BCR: variants seen among roughly 807,000 people sequenced by gnomAD.
BCR encodes the protein breakpoint cluster region protein.
BCR carries 58 observed loss-of-function variants against 138.6 expected under a neutral mutation model. The observed-to-expected ratio is 0.42, with a 90% confidence interval of 0.34 to 0.52. The LOEUF (loss-of-function observed/expected upper bound fraction) is 0.52, where lower values mean the gene tolerates loss of function less well. BCR is among the 20% of genes least tolerant of loss of function. The pLI is 0.06. For synonymous variants in BCR, 786 were observed against 730.1 expected (o/e 1.08, Z -1.23); for missense variants, 1,599 against 1,727.2 (o/e 0.93, Z 1.32).
At chr22:23,184,886 C>T (rs980390653) in intron 1 of BCR, among the ~76,000 whole-genome samples, 2 of 150,974 alleles carry the variant, frequency 1.3e-5, no homozygotes, top group Admixed American at 6.6e-5. Context: ...GCCTGCTGGT[C>T]TGAAAAGGAA....
intron 16 of BCR, among the ~76,000 whole-genome samples, chr22:23,300,089 A>G (rs533899933): frequency 6.6e-6 from 1 of 152,288 alleles, no homozygotes; most frequent in African/African-American, 2.4e-5. Flanking sequence ...GCACATTCAC[A>G]TTGTTGTGCA....
chr22:23,300,710 G>T (rs879331373), intron 16 of BCR, among the ~76,000 whole-genome samples: 10 of 152,182 alleles, frequency 6.6e-5, no homozygotes, highest in Admixed American at 6.6e-4. Flanking sequence ...AGACCTGCTG[G>T]CTTGTACCTG....
intron 1 of BCR, among the ~76,000 whole-genome samples, chr22:23,211,302 A>G (rs12160795): frequency 0.068 from 10,217 of 150,646 alleles, 1,147 homozygotes; most frequent in African/African-American, 0.23. Context: ...GGTTCACACC[A>G]TTCTCCTGCC....
intron 1 of BCR, among the ~76,000 whole-genome samples, chr22:23,198,571 G>C (rs1161140137): frequency 6.6e-6 from 1 of 152,340 alleles, no homozygotes; most frequent in East Asian, 1.9e-4. Context: ...GGGAGTGAAA[G>C]GGTGGCTGTG....
At chr22:23,242,021 A>G (rs142068526) in intron 1 of BCR, among the ~76,000 whole-genome samples, 238 of 152,238 alleles carry the variant, frequency 1.6e-3, no homozygotes, top group African/African-American at 5.6e-3. Context: ...CTTAGCTCTT[A>G]GTGGCCTCTG....
intron 1 of BCR, among the ~76,000 whole-genome samples, chr22:23,216,660 T>A (rs2072756581): frequency 6.6e-6 from 1 of 152,258 alleles, no homozygotes; most frequent in African/African-American, 2.4e-5. Flanking sequence ...GCCATCTGGC[T>A]TGGTATGAGG....
At chr22:23,220,756 TG>T (rs1242827266) in intron 1 of BCR, among the ~76,000 whole-genome samples, 1 of 152,208 alleles carries the variant, frequency 6.6e-6, no homozygotes, top group Non-Finnish European at 1.5e-5. Context: ...ATCTGTAAGA[TG>T]GGGGTAGTAA....
At chr22:23,225,456 G>A (rs1489997603) in intron 1 of BCR, among the ~76,000 whole-genome samples, 1 of 152,174 alleles carries the variant, frequency 6.6e-6, no homozygotes, top group Non-Finnish European at 1.5e-5. Flanking sequence ...ACTGGACTGC[G>A]GGGCCATCCT....
At chr22:23,288,992 A>G (rs5759682) in intron 12 of BCR, among the ~76,000 whole-genome samples, 52,358 of 152,078 alleles carry the variant, frequency 0.34, 10,153 homozygotes, top group African/African-American at 0.52. Context: ...CTGGGGGATC[A>G]AGGATCTCCG....
intron 1 of BCR, among the ~76,000 whole-genome samples, chr22:23,248,893 A>G (rs1053370186): frequency 2.0e-5 from 3 of 152,184 alleles, no homozygotes; most frequent in Non-Finnish European, 4.4e-5. Context: ...TCCACTGGGT[A>G]TTCCTGGTAC....
intron 1 of BCR, among the ~76,000 whole-genome samples, chr22:23,252,221 C>A (rs567345239): frequency 6.6e-6 from 1 of 152,114 alleles, no homozygotes; most frequent in South Asian, 2.1e-4. Context: ...GATGGGGGAA[C>A]CTGTAGCCCC....
chr22:23,221,795 T>C (rs2072827670), intron 1 of BCR, among the ~76,000 whole-genome samples: 1 of 152,164 alleles, frequency 6.6e-6, no homozygotes, highest in South Asian at 2.1e-4. Flanking sequence ...GTCTTTGTTA[T>C]GAGAAGTGAC....
chr22:23,221,198 G>A (rs139412250), intron 1 of BCR, among the ~76,000 whole-genome samples: 5 of 152,288 alleles, frequency 3.3e-5, no homozygotes, highest in African/African-American at 7.2e-5. Context: ...GGAGGATGGC[G>A]ATGCAGATGG....
intron 1 of BCR, among the ~76,000 whole-genome samples, chr22:23,252,210 G>C (rs2073235779): frequency 6.6e-6 from 1 of 152,144 alleles, no homozygotes; most frequent in African/African-American, 2.4e-5. Flanking sequence ...CCAGACTGGG[G>C]GATGGGGGAA....
rs369488601 is a variant in BCR, at chr22:23,181,175, G to A, written c.215G>A (p.Arg72Gln). 45 of 1,371,848 alleles carry A rather than the reference G, an allele frequency of 3.3e-5. No individual in the cohort carries two copies. Among genetic ancestry groups the A allele is most frequent in the East Asian group, 6.2e-5 (2 of 32,284 alleles). 85.0% of individuals were successfully genotyped at this position (1,371,848 alleles called of 1,614,324 possible). A position where few individuals can be genotyped will look rare whatever the true frequency, so the allele number is the denominator to read the frequency against. Residue 72 changes from arginine to glutamine, a missense_variant, in exon 1 of 23, where the codon CGG becomes CAG. Transcript: ENST00000305877. ...LLAKEKKSYD[R>Q]QRWGFRRAAQ... ...GCCAAGGAAAAGAAGAGCTATGACC[G>A]GCAGCGATGGGGCTTCCGGCGCGCG... is the stretch of plus-strand genomic sequence containing the variant.
At chr22:23,221,167 T>G (rs775913200) in intron 1 of BCR, among the ~76,000 whole-genome samples, 1 of 152,222 alleles carries the variant, frequency 6.6e-6, no homozygotes, top group Non-Finnish European at 1.5e-5. Flanking sequence ...TATCCACTAT[T>G]TGCTCCCTCT....
At chr22:23,198,834 A>C (rs540405528) in intron 1 of BCR, among the ~76,000 whole-genome samples, 3 of 152,146 alleles carry the variant, frequency 2.0e-5, no homozygotes, top group African/African-American at 7.2e-5. Context: ...TTTGGCCCTA[A>C]CAGGACTGGG....
chr22:23,230,921 G>A (rs997705632), intron 1 of BCR, among the ~76,000 whole-genome samples: 2 of 152,136 alleles, frequency 1.3e-5, no homozygotes, highest in Admixed American at 6.5e-5. Flanking sequence ...ATGTGGCCCC[G>A]GGGCCACAGG....
chr22:23,238,578 G>A (rs2073051868), intron 1 of BCR, among the ~76,000 whole-genome samples: 2 of 152,082 alleles, frequency 1.3e-5, no homozygotes, highest in Non-Finnish European at 2.9e-5. Context: ...GTAAAATGGG[G>A]TACTGATGGC....
Sources: gnomAD v4.1 joint callset for allele counts (sites outside exome capture counted in the v4.1 genomes callset) on GRCh38, gnomAD v4.1.1 for gene constraint, MANE v1.5 for transcripts, NCBI Gene and HGNC (gene_info 2026-07-23, HGNC 2026-07-21) for gene names.